SIPA1L1: variants seen among roughly 807,000 people sequenced by gnomAD.
SIPA1L1 encodes the protein signal induced proliferation associated 1 like 1.
Under a neutral mutation model 162.7 loss-of-function variants are expected in SIPA1L1, and 26 were observed. That is an observed-to-expected ratio of 0.16 (90% confidence interval 0.12 to 0.22). The LOEUF (loss-of-function observed/expected upper bound fraction) is 0.22, where lower values mean the gene tolerates loss of function less well. Ranked by LOEUF, SIPA1L1 falls within the 10% of genes least tolerant of loss-of-function variation. The probability of loss-of-function intolerance (pLI) is 1.00; values close to 1 mark genes in which losing one functional copy is unlikely to be tolerated. For missense variants in SIPA1L1, 1,874 were observed against 2,241.0 expected (o/e 0.84, Z 3.31); for synonymous variants, 829 against 837.4 (o/e 0.99, Z 0.17).
intron 4 of SIPA1L1, among the ~76,000 whole-genome samples, chr14:71,568,332 T>C (rs537313873): frequency 6.6e-6 from 1 of 152,304 alleles, no homozygotes; most frequent in South Asian, 2.1e-4. Context: ...TCAGGCCGAA[T>C]AGGTGTGATG....
rs148413494 is a variant in SIPA1L1 at position 71,588,668 on chromosome 14, A to G, written c.796A>G (p.Ile266Val). Residue 266 changes from isoleucine to valine, a missense_variant, in exon 5 of 24, where the codon ATC becomes GTC. This residue lies in a region of SIPA1L1 where 685 missense variants were observed against 828.0 expected (regional missense o/e 0.83). Coordinates refer to ENST00000381232, the MANE Select transcript of SIPA1L1 (RefSeq NM_001386936.1). The surrounding 1 kb of genome is among the most constrained non-coding windows in gnomAD (Gnocchi z 4.3). The part of the protein sequence containing the change: ...GFSLDVIDGP[I>V]SQRENLRLFK... ...CTCTTTGGATGTAATAGACGGGCCT[A>G]TCTCACAGAGAGAGAACCTCAGGCT... 22 of 1,613,928 alleles carry G rather than the reference A, an allele frequency of 1.4e-5. No individual in the cohort carries two copies. The highest frequency in any genetic ancestry group is 6.7e-5 in the East Asian group (3 of 44,868).
chr14:71,641,640 G>A (rs946944101), intron 7 of SIPA1L1, among the ~76,000 whole-genome samples: 6 of 152,124 alleles, frequency 3.9e-5, no homozygotes, highest in Non-Finnish European at 8.8e-5. Context: ...GGAGAATGGT[G>A]TGAACCTGGG....
intron 7 of SIPA1L1, among the ~76,000 whole-genome samples, chr14:71,639,447 A>T (rs570604851): frequency 6.6e-6 from 1 of 152,198 alleles, no homozygotes; most frequent in East Asian, 1.9e-4. Flanking sequence ...GAGGCATACT[A>T]TATTCACAAA....
intron 2 of SIPA1L1, among the ~76,000 whole-genome samples, chr14:71,503,644 A>G (rs890973485): frequency 1.3e-5 from 2 of 152,178 alleles, no homozygotes; most frequent in Non-Finnish European, 2.9e-5. Flanking sequence ...AACACCAAAA[A>G]AATCGTCACT....
intron 4 of SIPA1L1, among the ~76,000 whole-genome samples, chr14:71,553,000 C>T (rs996493733): frequency 3.3e-5 from 5 of 152,132 alleles, no homozygotes; most frequent in African/African-American, 1.2e-4. Flanking sequence ...CCACGAGATG[C>T]CAATAGCGCC....
chr14:71,715,710 C>T (rs1333497646), intron 17 of SIPA1L1, among the ~76,000 whole-genome samples: 1 of 152,174 alleles, frequency 6.6e-6, no homozygotes, highest in Non-Finnish European at 1.5e-5. Flanking sequence ...TCATCACCTG[C>T]CTTAACAATT....
chr14:71,704,169 G>T (rs1415497420), intron 15 of SIPA1L1, among the ~76,000 whole-genome samples: 3 of 152,070 alleles, frequency 2.0e-5, no homozygotes, highest in Non-Finnish European at 2.9e-5. Flanking sequence ...AAATAACCAA[G>T]CCTTTCCTAA....
intron 6 of SIPA1L1, among the ~76,000 whole-genome samples, chr14:71,621,952 G>T (rs182767110): frequency 1.7e-4 from 26 of 152,028 alleles, no homozygotes; most frequent in Admixed American, 1.2e-3. Context: ...TGGTAATATT[G>T]TATTAAGACT....
intron 2 of SIPA1L1, among the ~76,000 whole-genome samples, chr14:71,429,662 A>G (rs1204031339): frequency 1.3e-5 from 2 of 152,198 alleles, no homozygotes; most frequent in African/African-American, 4.8e-5. Context: ...ATTGTAATAG[A>G]CACTCTCGAA....
At chr14:71,619,006 A>C (rs924249369) in intron 6 of SIPA1L1, 119 bp downstream of exon 6, 1 of 1,053,080 alleles carries the variant, frequency 9.5e-7, no homozygotes, top group Non-Finnish European at 1.4e-6. Context: ...TGGAGTAAGC[A>C]AAGTCCCCTT....
At chr14:71,552,470 C>T in intron 4 of SIPA1L1, among the ~76,000 whole-genome samples, 1 of 151,710 alleles carries the variant, frequency 6.6e-6, no homozygotes, top group Admixed American at 6.6e-5. Flanking sequence ...CGGCTCACTG[C>T]AAGCTCCGCC....
At chr14:71,552,394 TC>T (rs1461211641) in intron 4 of SIPA1L1, among the ~76,000 whole-genome samples, 1 of 151,604 alleles carries the variant, frequency 6.6e-6, no homozygotes, top group Non-Finnish European at 1.5e-5. Context: ...ATACCCTATT[TC>T]TTTTTTTTTT....
chr14:71,512,001 G>A (rs531593901), intron 2 of SIPA1L1, among the ~76,000 whole-genome samples: 4 of 152,240 alleles, frequency 2.6e-5, no homozygotes, highest in South Asian at 4.1e-4. Flanking sequence ...AAAAACTGGC[G>A]AACAGAAGTA....
At position 71,738,336 on chromosome 14, in the gene SIPA1L1, A is replaced by T; in HGVS notation, c.5208+11A>T. 6 of 1,588,256 alleles carry T rather than the reference A, an allele frequency of 3.8e-6. No homozygotes were observed. The highest frequency in any genetic ancestry group is 5.2e-6 in the Non-Finnish European group (6 of 1,156,678). On this transcript the variant is annotated intron_variant, in intron 23 of 23. Coordinates refer to ENST00000381232, the MANE Select transcript of SIPA1L1 (RefSeq NM_001386936.1). ...GAAGATTTGAAGAAGGTAAACATGTATTCTCAAAGCAAATTGTCCAGTCTG... is the reference window on the plus strand; with the variant it reads ...GAAGATTTGAAGAAGGTAAACATGTTTTCTCAAAGCAAATTGTCCAGTCTG...
At chr14:71,584,238 G>C (rs1163466422) in intron 4 of SIPA1L1, among the ~76,000 whole-genome samples, 2 of 152,162 alleles carry the variant, frequency 1.3e-5, no homozygotes, top group Non-Finnish European at 2.9e-5. Context: ...CAGGATGGAG[G>C]ATGGGTTCAG....
intron 2 of SIPA1L1, among the ~76,000 whole-genome samples, chr14:71,470,421 G>C (rs927358781): frequency 3.9e-5 from 6 of 152,188 alleles, no homozygotes; most frequent in African/African-American, 1.4e-4. Flanking sequence ...AACTTTTTAA[G>C]TGACTGTGTA....
chr14:71,353,692 G>A (rs2036941712), intron 2 of SIPA1L1, among the ~76,000 whole-genome samples: 1 of 152,152 alleles, frequency 6.6e-6, no homozygotes, highest in African/African-American at 2.4e-5. Flanking sequence ...AATAAATGGG[G>A]TAGTTGACTG....
chr14:71,534,176 C>T (rs1233029886), intron 4 of SIPA1L1, among the ~76,000 whole-genome samples: 2 of 152,214 alleles, frequency 1.3e-5, no homozygotes, highest in East Asian at 3.8e-4. Flanking sequence ...TAACCTTTCA[C>T]TTAATCTATT....
chr14:71,654,645 T>G (rs2042908759), intron 8 of SIPA1L1, among the ~76,000 whole-genome samples: 1 of 152,160 alleles, frequency 6.6e-6, no homozygotes, highest in Admixed American at 6.5e-5. Context: ...AAAGAAAGAT[T>G]TGGAGGCAGA....
Sources: gnomAD v4.1 joint callset for allele counts (sites outside exome capture counted in the v4.1 genomes callset) on GRCh38, gnomAD v4.1.1 for gene constraint, gnomAD v4.1.1 regional missense constraint, Gnocchi (gnomAD v3.1) non-coding constraint, MANE v1.5 for transcripts, NCBI Gene and HGNC (gene_info 2026-07-23, HGNC 2026-07-21) for gene names.